The following PNN variants were observed in gnomAD, a reference collection of about 807,000 sequenced individuals.
PNN encodes the protein pinin.
Under a neutral mutation model 76.6 loss-of-function variants are expected in PNN, and 38 were observed. The observed-to-expected ratio is 0.50, with a 90% CI of 0.38 to 0.65. The LOEUF (loss-of-function observed/expected upper bound fraction) is 0.65, where lower values mean the gene tolerates loss of function less well. Among genes scored for constraint, PNN ranks in the 30% least tolerant of loss-of-function variants. PNN has a pLI of 0.00. For synonymous variants in PNN, 366 were observed against 283.7 expected (o/e 1.29, Z -2.91); for missense variants, 873 against 874.1 (o/e 1.00, Z 0.02).
rs749089203 is a variant in PNN, at chr14:39,181,390, A to G, written c.1681A>G (p.Arg561Gly). ...ESKSKTKTRS[R>G]SRGRARNKTS... ...CAAGAGCAAAACCAAAACTAGGAGC[A>G]GAAGTAGAGGTCGAGCTAGAAATAA... Residue 561 changes from arginine to glycine, a missense_variant, in exon 9 of 9, where the codon AGA becomes GGA. By Grantham distance (125) the Arg-to-Gly change is moderately radical. Coordinates refer to ENST00000216832, the MANE Select transcript of PNN (RefSeq NM_002687.4). 4.0e-5 allele frequency: 65 copies of G among 1,614,148 alleles called. No individual in the cohort carries two copies. Among genetic ancestry groups the G allele is most frequent in the Non-Finnish European group, 5.2e-5 (61 of 1,180,054 alleles).
intron 3 of PNN, 118 bp downstream of exon 3, chr14:39,176,713 C>A: frequency 3.0e-6 from 2 of 658,552 alleles, no homozygotes; most frequent in South Asian, 1.8e-5. Context: ...GTATGCCACT[C>A]CCTGCCCCCC....
intron 6 of PNN, 168 bp from the exon 7 acceptor site, chr14:39,178,923 T>G (rs1294317199): frequency 1.3e-5 from 8 of 600,750 alleles, no homozygotes; most frequent in Admixed American, 6.8e-5. Context: ...GTGTTTTTAG[T>G]AGAGATGGTG....
Position 39,178,065 on chromosome 14 carries a change from G to A in PNN, c.498+149G>A, listed in dbSNP as rs1269854191. ...TAAAAACTTGGTTTAACTTCTTATA[G>A]AACAGCTTTACTTAAACATTGTGTT... On this transcript the variant is annotated intron_variant, in intron 6 of 8. Transcript: ENST00000216832. The A allele has an allele frequency of 1.7e-5, 11 of 641,880 alleles. No individual in the cohort carries two copies. In the East Asian group the frequency reaches 2.4e-4, roughly 14 times the overall value. 39.8% of individuals were successfully genotyped at this position (641,880 alleles called of 1,614,324 possible). A position where few individuals can be genotyped will look rare whatever the true frequency, so the allele number is the denominator to read the frequency against.
In PNN at chr14:39,177,488, T is replaced by C. The variant is rs372155394; in HGVS notation, c.327+4T>C. On this transcript the variant is annotated splice_donor_region_variant and intron_variant, in intron 4 of 8. Transcript: ENST00000216832. ...GGAGGATGATGATGTTAAAAAGGTA[T>C]TGAGATTGAAAGAACTTAAATGAAT... The C allele has an allele frequency of 4.3e-6, 7 of 1,613,156 alleles. No homozygotes were observed. Among genetic ancestry groups the C allele is most frequent in the Non-Finnish European group, 5.1e-6 (6 of 1,179,148 alleles).
At position 39,181,564 on chromosome 14, in the gene PNN, A is replaced by C; in HGVS notation, c.1855A>C (p.Arg619=). The C allele has an allele frequency of 6.2e-7, 1 of 1,612,432 alleles. No individual in the cohort carries two copies. Among genetic ancestry groups the C allele is most frequent in the Non-Finnish European group, 8.5e-7 (1 of 1,179,096 alleles). ...SSSSTSGSSS[R]DSSSSTSSSS... ...CTCCAGTACAAGTGGCAGCAGCAGCAGAGATAGTAGCAGTAGCACTAGTAG... is the reference window on the plus strand; with the variant it reads ...CTCCAGTACAAGTGGCAGCAGCAGCCGAGATAGTAGCAGTAGCACTAGTAG... Residue 619 remains arginine (R), a synonymous_variant, in exon 9 of 9, where the codon AGA becomes CGA. Coordinates refer to ENST00000216832, the MANE Select transcript of PNN (RefSeq NM_002687.4).
chr14:39,181,134 A>G lies in PNN; in HGVS notation c.1425A>G (p.Gln475=), dbSNP rs996946033. The G allele has an allele frequency of 3.7e-6, 6 of 1,604,578 alleles. No homozygotes were observed. Among genetic ancestry groups the G allele is most frequent in the Middle Eastern group, 1.6e-4 (1 of 6,062 alleles). Residue 475 remains glutamine, a synonymous_variant, in exon 9 of 9, where the codon CAA becomes CAG. Coordinates refer to ENST00000216832, the MANE Select transcript of PNN (RefSeq NM_002687.4). The stretch of plus-strand genomic sequence containing the variant: ...AGCCCCAACCTGAGCCTGTGGCTCA[A>G]CCTCAGCCTCAGTCTCAGCCCCAGC... The part of the protein sequence containing the change: ...ESEPQPEPVA[Q]PQPQSQPQLQ...
intron 2 of PNN, 123 bp from the exon 3 acceptor site, chr14:39,176,404 A>G: frequency 2.8e-6 from 2 of 725,000 alleles, no homozygotes; most frequent in South Asian, 1.8e-5. Flanking sequence ...TTTGGAATGA[A>G]TGCCCGTTTA....
Position 39,180,577 on chromosome 14 carries a change from A to T in PNN, c.868A>T (p.Met290Leu). The T allele has an allele frequency of 5.6e-6, 9 of 1,614,106 alleles. No individual in the cohort carries two copies. The highest frequency in any genetic ancestry group is 7.6e-6 in the Non-Finnish European group (9 of 1,180,012). ...GGAGGCTAGGCCTAGAAGACAATCA[A>T]TGAAGGAAAAAGAGCATCAGGTGGT... ...KMEARPRRQS[M>L]KEKEHQVVRN... is the part of the protein sequence containing the mutation. The change falls in exon 9 of 9, where the codon ATG becomes TTG. Residue 290 changes from methionine (M) to leucine (L), a missense_variant. Physicochemically the swap from Met to Leu is conservative, Grantham distance 15. Transcript: ENST00000216832.
chr14:39,181,096 G>C lies in PNN; in HGVS notation c.1387G>C (p.Glu463Gln), dbSNP rs540076021. The change falls in exon 9 of 9, where the codon GAA becomes CAA. Residue 463 changes from glutamate (E) to glutamine (Q), a missense_variant. Around this residue, in one of 3 missense-constraint regions of PNN, gnomAD observed 712 missense variants for 693.1 expected, o/e 1.03. Transcript: ENST00000216832. ...DMEKESEEKE[E>Q]KESEPQPEPV... ...GGAAAAGGAGTCTGAGGAAAAAGAA[G>C]AAAAAGAATCTGAGCCCCAACCTGA... 3.0e-5 allele frequency: 49 copies of C among 1,613,572 alleles called. No homozygotes were observed. In the East Asian group the frequency reaches 1.0e-3, roughly 34 times the overall value.
chr14:39,181,922 G>GGATTA lies in PNN; in HGVS notation c.*60_*64dup, dbSNP rs2053273634. On this transcript the variant is annotated 3_prime_UTR_variant, in exon 9 of 9. Coordinates refer to ENST00000216832, the MANE Select transcript of PNN (RefSeq NM_002687.4). Reference sequence around the variant, plus strand: ...CAGCAGAAGATTTCTTGATAAAAAAGGATTACCTTTCCTTGTAAAGAGGAT... The same window carrying GGATTA: ...CAGCAGAAGATTTCTTGATAAAAAAGGATTAGATTACCTTTCCTTGTAAAGAGGAT... 5.4e-6 allele frequency: 8 copies of GGATTA among 1,486,722 alleles called. No homozygotes were observed. Among genetic ancestry groups the GGATTA allele is most frequent in the Non-Finnish European group, 7.1e-6 (8 of 1,119,746 alleles). The allele number at this position is 1,486,722 out of a possible 1,614,324, so 92.1% of individuals were successfully genotyped here.
At chr14:39,178,991 T>C in intron 6 of PNN, 100 bp from the exon 7 acceptor site, 1 of 1,061,728 alleles carries the variant, frequency 9.4e-7, no homozygotes, top group Non-Finnish European at 1.4e-6. Flanking sequence ...GTAATTAGTA[T>C]GTGTAATAAC....
chr14:39,176,712 TCCCTGCCCCCCC>T, intron 3 of PNN, 117 bp downstream of exon 3: 5 of 669,228 alleles, frequency 7.5e-6, no homozygotes, highest in Non-Finnish European at 1.2e-5. Context: ...GGTATGCCAC[TCCCTGCCCCCCC>T]CAAGTTCTGT....
Position 39,175,381 on chromosome 14 carries a change from G to A in PNN, c.102G>A (p.Pro34=), listed in dbSNP as rs375209050. Residue 34 remains proline, a synonymous_variant, in exon 1 of 9, where the codon CCG becomes CCA. Transcript: ENST00000216832. ...ENIRKLTGRD[P]NDVRPIQARL... is the part of the protein sequence containing the mutation. ...TTCGCAAGCTCACCGGGCGGGATCC[G>A]AATGACGTGAGGTAAGGGCCTAACG... 8 of 1,604,012 alleles carry A rather than the reference G, an allele frequency of 5.0e-6. No individual in the cohort carries two copies. The Admixed American group carries it at 1.3e-4, about 27-fold the overall frequency.
intron 2 of PNN, 169 bp from the exon 3 acceptor site, chr14:39,176,358 G>A: frequency 1.6e-6 from 1 of 639,568 alleles, no homozygotes; most frequent in Non-Finnish European, 2.7e-6. Flanking sequence ...AATTTTGAGT[G>A]AACTTAATTC....
intron 1 of PNN, 103 bp from the exon 2 acceptor site, chr14:39,175,975 C>A (rs2053219869): frequency 1.5e-6 from 1 of 671,648 alleles, no homozygotes; most frequent in Non-Finnish European, 2.7e-6. Context: ...CTTTTTGGAA[C>A]TTTTGTGATT....
At position 39,183,074 on chromosome 14, in the gene PNN, A is replaced by G. The variant is rs2053280823; in HGVS notation, c.*1211A>G. On this transcript the variant is annotated 3_prime_UTR_variant, in exon 9 of 9. Transcript: ENST00000216832. ...TGAATATTCATTTTGCCTTCCCTTG[A>G]CAAGTAAATGGTTACAGTGAAAATG... The G allele has an allele frequency of 6.6e-6, 1 of 152,670 alleles. No individual in the cohort carries two copies. The highest frequency in any genetic ancestry group is 2.4e-5 in the African/African-American group (1 of 41,464). The allele number at this position is 152,670 out of a possible 1,614,324, so 9.5% of individuals were successfully genotyped here.
chr14:39,177,731 A>G (rs372130911), intron 5 of PNN, 44 bp downstream of exon 5: 9 of 1,503,146 alleles, frequency 6.0e-6, no homozygotes, highest in Admixed American at 5.0e-5. Context: ...TAATGCAGTT[A>G]TAAGGAAAAT....
At position 39,181,916 on chromosome 14, in the gene PNN, A is replaced by G. The variant is rs1804768; in HGVS notation, c.*53A>G. On this transcript the variant is annotated 3_prime_UTR_variant, in exon 9 of 9. Transcript: ENST00000216832. Reference sequence around the variant, plus strand: ...TCTTTGCAGCAGAAGATTTCTTGATAAAAAAGGATTACCTTTCCTTGTAAA... The same window carrying G: ...TCTTTGCAGCAGAAGATTTCTTGATGAAAAAGGATTACCTTTCCTTGTAAA... 1.3e-6 allele frequency: 2 copies of G among 1,499,054 alleles called. No individual in the cohort carries two copies. Among genetic ancestry groups the G allele is most frequent in the Non-Finnish European group, 1.8e-6 (2 of 1,128,662 alleles). The allele number at this position is 1,499,054 out of a possible 1,614,324, so 92.9% of individuals were successfully genotyped here.
In PNN at chr14:39,177,426, G is replaced by A. The variant is rs757919458; in HGVS notation, c.269G>A (p.Arg90His). 1.2e-5 allele frequency: 19 copies of A among 1,613,810 alleles called. No homozygotes were observed. The highest frequency in any genetic ancestry group is 1.7e-5 in the Admixed American group (1 of 60,000). The change falls in exon 4 of 9, where the codon CGT becomes CAT. Residue 90 changes from arginine to histidine, a missense_variant. Arg to His is a conservative substitution (Grantham distance 29). This residue lies in a region of PNN where 156 missense variants were observed against 161.7 expected (regional missense o/e 0.96). Transcript: ENST00000216832. The stretch of plus-strand genomic sequence containing the variant: ...TTCTATGACAGGCTGGGCGGGGAGC[G>A]TCGGACCAGAAGAGAATCACGCCAG... ...EGAVSRLGGE[R>H]RTRRESRQES...
Sources: allele counts gnomAD v4.1 joint callset, GRCh38; gene constraint gnomAD v4.1.1; regional missense constraint gnomAD v4.1.1; transcripts MANE v1.5; gene names NCBI Gene and HGNC (gene_info 2026-07-23, HGNC 2026-07-21).